The following SMAD3 variants were observed in gnomAD, a reference collection of about 807,000 sequenced individuals.
SMAD3 encodes the protein MAD homolog 3.
Under a neutral mutation model 51.8 loss-of-function variants are expected in SMAD3, and 12 were observed. The ratio of observed to expected loss-of-function variants is 0.23; its 90% CI spans 0.15 to 0.38. The LOEUF is 0.38. SMAD3 is among the 10% of genes least tolerant of loss of function. The pLI is 1.00. For missense variants in SMAD3, 294 were observed against 565.6 expected (o/e 0.52, Z 4.87); for synonymous variants, 238 against 227.7 (o/e 1.05, Z -0.41).
chr15:67,187,578 G>A, intron 8 of SMAD3, 69 bp downstream of exon 8: 1 of 1,588,974 alleles, frequency 6.3e-7, no homozygotes, highest in Non-Finnish European at 8.6e-7. Context: ...GAGCAGGCAG[G>A]GCTCCTCAGA....
At chr15:67,092,031 A>G (rs1960519678) in intron 1 of SMAD3, among the ~76,000 whole-genome samples, 1 of 152,216 alleles carries the variant, frequency 6.6e-6, no homozygotes, top group Non-Finnish European at 1.5e-5. Flanking sequence ...GAGCAGTTGC[A>G]GCTGCTTCTA....
chr15:67,130,505 A>G (rs1457324408), intron 1 of SMAD3, among the ~76,000 whole-genome samples: 1 of 152,198 alleles, frequency 6.6e-6, no homozygotes, highest in Non-Finnish European at 1.5e-5. Flanking sequence ...TGTGAACTGC[A>G]TATTGGAGGG....
intron 1 of SMAD3, among the ~76,000 whole-genome samples, chr15:67,091,031 T>C (rs1960497768): frequency 1.3e-5 from 2 of 152,216 alleles, no homozygotes; most frequent in Non-Finnish European, 2.9e-5. Context: ...ATTGTATTGT[T>C]ACCATCTGGT....
At position 67,191,943 on chromosome 15, in the gene SMAD3, A is replaced by C. The variant is rs1963377981; in HGVS notation, c.*1407A>C. ...AGTCTAAATTATTTCAACTGGAAAA[A>C]AGAAAAAAGAGTCCTCTTCTTTTCC... On this transcript the variant is annotated 3_prime_UTR_variant, in exon 9 of 9. Transcript: ENST00000327367. 1 of 228,536 alleles carries C rather than the reference A, an allele frequency of 4.4e-6. No individual in the cohort carries two copies. Among genetic ancestry groups the C allele is most frequent in the Non-Finnish European group, 8.7e-6 (1 of 114,834 alleles). The allele number at this position is 228,536 out of a possible 1,614,324, so 14.2% of individuals were successfully genotyped here.
At chr15:67,088,868 A>G (rs1960451411) in intron 1 of SMAD3, among the ~76,000 whole-genome samples, 1 of 152,166 alleles carries the variant, frequency 6.6e-6, no homozygotes, top group South Asian at 2.1e-4. Context: ...CAGAGGTTGC[A>G]GTGAGCTGAG....
chr15:67,139,563 C>A (rs773942677), intron 1 of SMAD3, among the ~76,000 whole-genome samples: 2 of 152,114 alleles, frequency 1.3e-5, no homozygotes, highest in African/African-American at 2.4e-5. Context: ...CCTGGTGGGT[C>A]CTGGGCTGAC....
In SMAD3 at chr15:67,144,695, C is replaced by T. The variant is rs192798109; in HGVS notation, c.207-20200C>T. Among the ~76,000 whole-genome samples, 489 of 152,230 alleles carry T rather than the reference C, an allele frequency of 3.2e-3. 14 individuals are homozygous for T. Among genetic ancestry groups the T allele is most frequent in the Non-Finnish European group, 6.8e-4 (46 of 68,018 alleles). On this transcript the variant is annotated intron_variant, in intron 1 of 8. Transcript: ENST00000327367. ...CATATCCTACATGTGATAGAGCTGC[C>T]GTGTTCTTAGACACAAAGACAGCTG...
intron 6 of SMAD3, among the ~76,000 whole-genome samples, chr15:67,181,807 G>A (rs62008274): frequency 8.0e-6 from 1 of 125,648 alleles, no homozygotes; most frequent in Non-Finnish European, 1.7e-5. Context: ...TTTTTTTTTG[G>A]AGACAGAGTC....
At chr15:67,144,803 C>T (rs1156942630) in intron 1 of SMAD3, among the ~76,000 whole-genome samples, 3 of 152,218 alleles carry the variant, frequency 2.0e-5, no homozygotes, top group Non-Finnish European at 4.4e-5. Flanking sequence ...TGCACAATGT[C>T]ACAGCAGATA....
Position 67,113,094 on chromosome 15 carries a change from A to ATATATATATATATT in SMAD3, c.206+46735_206+46736insATATATATATATTT, listed in dbSNP as rs3985646. Among the ~76,000 whole-genome samples, 62 of 112,552 alleles carry ATATATATATATATT rather than the reference A, an allele frequency of 5.5e-4. 3 individuals carry two copies. The highest frequency in any genetic ancestry group is 9.2e-4 in the Non-Finnish European group (53 of 57,638). The allele number at this position is 112,552 out of a possible 152,430, so 73.8% of individuals were successfully genotyped here. A position where few individuals can be genotyped will look rare whatever the true frequency, so the allele number is the denominator to read the frequency against. ...TATATGTGTATATATATATATATATATTTTTTTGAGACAGAGTCTTGCTCT... is the reference window on the plus strand; with the variant it reads ...TATATGTGTATATATATATATATATATATATATATATATTTTTTTTTGAGACAGAGTCTTGCTCT... On this transcript the variant is annotated intron_variant, in intron 1 of 8. Transcript: ENST00000327367.
At chr15:67,072,857 T>C (rs1960086677) in intron 1 of SMAD3, among the ~76,000 whole-genome samples, 1 of 152,200 alleles carries the variant, frequency 6.6e-6, no homozygotes, top group South Asian at 2.1e-4. Context: ...TACAGAAGTT[T>C]GGTTTCTAAT....
intron 4 of SMAD3, among the ~76,000 whole-genome samples, chr15:67,168,464 G>A (rs987817526): frequency 5.3e-5 from 8 of 152,202 alleles, no homozygotes; most frequent in African/African-American, 1.4e-4. Flanking sequence ...CAGTGCAGGC[G>A]TGGGAAGCAG....
intron 1 of SMAD3, among the ~76,000 whole-genome samples, chr15:67,080,136 G>A (rs1301461230): frequency 6.6e-6 from 1 of 152,190 alleles, no homozygotes; most frequent in Non-Finnish European, 1.5e-5. Context: ...CTTGATACCT[G>A]ACCAAGGTAA....
chr15:67,183,001 ATATATAT>A (rs1214119758), intron 6 of SMAD3, among the ~76,000 whole-genome samples: 8 of 47,496 alleles, frequency 1.7e-4, no homozygotes, highest in Non-Finnish European at 2.7e-4. Flanking sequence ...AAAAAAAAAA[ATATATAT>A]ATATATATAT....
chr15:67,113,185 G>A (rs1035843911), intron 1 of SMAD3, among the ~76,000 whole-genome samples: 5 of 124,958 alleles, frequency 4.0e-5, no homozygotes, highest in Non-Finnish European at 8.1e-5. Context: ...CCGGGTTCAC[G>A]TCATTCTCCT....
intron 1 of SMAD3, among the ~76,000 whole-genome samples, chr15:67,101,757 A>G (rs1239331757): frequency 6.6e-6 from 1 of 152,248 alleles, no homozygotes; most frequent in African/African-American, 2.4e-5. Context: ...GTTCACATTC[A>G]GAGTCCTCAT....
chr15:67,165,210 G>A (rs1168710872), intron 2 of SMAD3, 43 bp from the exon 3 acceptor site: 1 of 1,614,086 alleles, frequency 6.2e-7, no homozygotes, highest in Admixed American at 1.7e-5. Flanking sequence ...GTGCTGGTCT[G>A]GCATCGACAC....
intron 1 of SMAD3, chr15:67,125,599 C>A: frequency 2.0e-6 from 1 of 492,218 alleles, no homozygotes; most frequent in Non-Finnish European, 2.6e-6. Context: ...TTAACAGAGA[C>A]ATCTGTGATG....
At chr15:67,165,496 C>T in intron 3 of SMAD3, 112 bp downstream of exon 3, 2 of 1,324,550 alleles carry the variant, frequency 1.5e-6, no homozygotes, top group East Asian at 2.3e-5. Flanking sequence ...CTCACCCCCT[C>T]TTTGCGCACA....
Sources: gnomAD v4.1 joint callset for allele counts (sites outside exome capture counted in the v4.1 genomes callset) on GRCh38, gnomAD v4.1.1 for gene constraint, MANE v1.5 for transcripts, NCBI Gene and HGNC (gene_info 2026-07-23, HGNC 2026-07-21) for gene names.